OTOF: variants seen among roughly 807,000 people sequenced by gnomAD.
OTOF encodes fer-1-like family member 2.
Under a neutral mutation model 236.8 loss-of-function variants are expected in OTOF, and 218 were observed. The ratio of observed to expected loss-of-function variants is 0.92; its 90% CI spans 0.82 to 1.03. The LOEUF (loss-of-function observed/expected upper bound fraction) is 1.03. Among genes scored for constraint, OTOF ranks in the 50% least tolerant of loss-of-function variants. The pLI is 0.00. For missense variants in OTOF, 2,590 were observed against 2,694.4 expected (o/e 0.96, Z 0.86); for synonymous variants, 1,041 against 1,072.5 (o/e 0.97, Z 0.57).
In OTOF at chr2:26,482,421, T is replaced by G. The variant is rs1270423318; in HGVS notation, c.1564A>C (p.Asn522His). 6.2e-7 allele frequency: 1 copy of G among 1,613,158 alleles called. No homozygotes were observed. The highest frequency in any genetic ancestry group is 8.5e-7 in the Non-Finnish European group (1 of 1,180,002). ...CGCTGCTGACCTTTGTCTCCGTCAT[T>G]AGAAATCTTGCGCAGGTCAATGAAG... ...THFIDLRKIS[N>H]DGDKGFLPTL... is the part of the protein sequence containing the mutation. Residue 522 changes from asparagine to histidine, a missense_variant, in exon 14 of 47, where the codon AAT becomes CAT. Asn to His is a moderately conservative substitution (Grantham distance 68). Around this residue, in one of 2 missense-constraint regions of OTOF, gnomAD observed 1,379 missense variants for 1,341.6 expected, o/e 1.03. Coordinates refer to ENST00000272371, the MANE Select transcript of OTOF (RefSeq NM_194248.3).
chr2:26,464,136 A>G, intron 39 of OTOF, 30 bp from the exon 40 acceptor site: 3 of 1,612,114 alleles, frequency 1.9e-6, no homozygotes, highest in Non-Finnish European at 2.5e-6. Flanking sequence ...AGCTGCACAC[A>G]TGGCTCAGCA....
chr2:26,531,327 T>C (rs1399498693), intron 2 of OTOF, among the ~76,000 whole-genome samples: 1 of 152,234 alleles, frequency 6.6e-6, no homozygotes, highest in Admixed American at 6.5e-5. Context: ...GTCAGGAGAC[T>C]TGAGTTCTAG....
At chr2:26,526,336 T>C (rs930287422) in intron 3 of OTOF, among the ~76,000 whole-genome samples, 2 of 150,736 alleles carry the variant, frequency 1.3e-5, no homozygotes, top group African/African-American at 4.9e-5. Context: ...GATGGATAAA[T>C]GGGTGGATAA....
chr2:26,528,557 C>T (rs7583853), intron 2 of OTOF, among the ~76,000 whole-genome samples: 29,690 of 152,214 alleles, frequency 0.2, 3,550 homozygotes, highest in African/African-American at 0.34. Context: ...ACCACTTCTT[C>T]GTTGCTTCCT....
chr2:26,461,666 C>T lies in OTOF; in HGVS notation c.5533+30G>A. 1 of 1,612,678 alleles carries T rather than the reference C, an allele frequency of 6.2e-7. No homozygotes were observed. Among genetic ancestry groups the T allele is most frequent in the Non-Finnish European group, 8.5e-7 (1 of 1,179,998 alleles). ...CCCTGCCTCTTCTCAGTTCTGGATC[C>T]TGAACCCCCATCCCTGCCCTGCTCT... is the stretch of plus-strand genomic sequence containing the variant. On this transcript the variant is annotated intron_variant, in intron 43 of 46. Coordinates refer to ENST00000272371, the MANE Select transcript of OTOF (RefSeq NM_194248.3). The surrounding 1 kb of genome is among the most constrained non-coding windows in gnomAD (Gnocchi z 6.2).
At chr2:26,490,268 T>A (rs1167592033) in intron 9 of OTOF, among the ~76,000 whole-genome samples, 1 of 152,242 alleles carries the variant, frequency 6.6e-6, no homozygotes, top group Non-Finnish European at 1.5e-5. Context: ...ATAAGCCACA[T>A]GGACATTGCC....
At chr2:26,557,681 C>T (rs1262789671) in intron 1 of OTOF, among the ~76,000 whole-genome samples, 1 of 151,998 alleles carries the variant, frequency 6.6e-6, no homozygotes, top group East Asian at 2.0e-4. Flanking sequence ...GCTGGTCCTT[C>T]GGGTATTAGC....
At chr2:26,524,573 GA>G (rs1666756552) in intron 3 of OTOF, among the ~76,000 whole-genome samples, 1 of 152,178 alleles carries the variant, frequency 6.6e-6, no homozygotes, top group African/African-American at 2.4e-5. Flanking sequence ...CACTGCATGG[GA>G]GTCAATTTCC....
At chr2:26,539,564 C>T (rs959211838) in intron 1 of OTOF, among the ~76,000 whole-genome samples, 10 of 152,144 alleles carry the variant, frequency 6.6e-5, no homozygotes, top group African/African-American at 1.7e-4. Context: ...GGAGAAACCC[C>T]GTCTCTACTA....
chr2:26,482,779 G>A (rs540018260), intron 13 of OTOF, among the ~76,000 whole-genome samples, 187 bp from the exon 14 acceptor site: 87 of 151,308 alleles, frequency 5.7e-4, no homozygotes, highest in African/African-American at 2.0e-3. Flanking sequence ...GTGGGTGCGC[G>A]TGCGTGTGTG....
In OTOF at chr2:26,480,985, G is replaced by A; in HGVS notation, c.1604C>T (p.Ala535Val). 1 of 1,612,912 alleles carries A rather than the reference G, an allele frequency of 6.2e-7. No individual in the cohort carries two copies. The highest frequency in any genetic ancestry group is 8.5e-7 in the Non-Finnish European group (1 of 1,179,942). Residue 535 changes from alanine (A) to valine (V), a missense_variant, in exon 15 of 47, where the codon GCC becomes GTC. This residue lies in a region of OTOF where 1,379 missense variants were observed against 1,341.6 expected (regional missense o/e 1.03). Coordinates refer to ENST00000272371, the MANE Select transcript of OTOF (RefSeq NM_194248.3). Reference protein sequence around the residue: ...DKGFLPTLGPAWVNMYGSTRN... With the variant: ...DKGFLPTLGPVWVNMYGSTRN... ...TGTGGAGCCGTACATGTTCACCCAG[G>A]CTGGGCCCAGTGTGGGCAGGAAGCC...
At chr2:26,499,798 T>A (rs972229310) in intron 8 of OTOF, among the ~76,000 whole-genome samples, 4 of 152,232 alleles carry the variant, frequency 2.6e-5, no homozygotes, top group Non-Finnish European at 1.5e-5. Flanking sequence ...CCCGGCCTGC[T>A]TTTATTGCAT....
At chr2:26,487,806 T>A (rs1353599913) in intron 11 of OTOF, among the ~76,000 whole-genome samples, 1 of 152,218 alleles carries the variant, frequency 6.6e-6, no homozygotes, top group Admixed American at 6.5e-5. Context: ...GCATGCTTCC[T>A]GGAAAGCAAC....
chr2:26,527,799 G>A (rs375821675), intron 3 of OTOF, 33 bp downstream of exon 3: 6 of 1,515,500 alleles, frequency 4.0e-6, no homozygotes, highest in Admixed American at 1.7e-5. Flanking sequence ...AGCCCGTCCA[G>A]GCCCAGCCCC....
intron 8 of OTOF, among the ~76,000 whole-genome samples, chr2:26,499,239 A>C (rs1666060636): frequency 6.6e-6 from 1 of 152,124 alleles, no homozygotes; most frequent in Non-Finnish European, 1.5e-5. Flanking sequence ...AATAATCAGG[A>C]AAGAGTTTAC....
chr2:26,466,913 G>T, intron 35 of OTOF, 62 bp from the exon 36 acceptor site: 1 of 1,608,040 alleles, frequency 6.2e-7, no homozygotes, highest in Non-Finnish European at 8.5e-7. Context: ...ATTCAAAATA[G>T]CTAACAGCAC....
At chr2:26,458,322 C>T (rs993590229) in intron 46 of OTOF, 102 bp from the exon 47 acceptor site, 43 of 1,201,652 alleles carry the variant, frequency 3.6e-5, no homozygotes, top group Non-Finnish European at 4.9e-5. Flanking sequence ...CCTGCCATGG[C>T]CCCAGCCCCA....
intron 8 of OTOF, among the ~76,000 whole-genome samples, chr2:26,500,955 C>T (rs796200553): frequency 1.1e-4 from 17 of 152,288 alleles, no homozygotes; most frequent in African/African-American, 3.6e-4. Flanking sequence ...AGTGCAGTGG[C>T]AGCCAGGTGA....
rs576401026 is a variant in OTOF, at chr2:26,516,518, C to T, written c.409G>A (p.Glu137Lys). The change falls in exon 5 of 47, where the codon GAG becomes AAG. Residue 137 changes from glutamate (E) to lysine (K), a missense_variant. By Grantham distance (56) the Glu-to-Lys change is moderately conservative (BLOSUM62 1). Transcript: ENST00000272371. Reference sequence around the variant, plus strand: ...TCCTTCTCTTCCTCTTGAAGAGACTCATCTCCCAGGAAGTCCCCATCGTCC... The same window carrying T: ...TCCTTCTCTTCCTCTTGAAGAGACTTATCTCCCAGGAAGTCCCCATCGTCC... ...SWDDGDFLGD[E>K]SLQEEEKDSQ... 20 of 1,613,534 alleles carry T rather than the reference C, an allele frequency of 1.2e-5. No homozygotes were observed. In the East Asian group the frequency reaches 4.2e-4, roughly 34 times the overall value.
Sources: allele counts gnomAD v4.1 joint callset (sites outside exome capture counted in the v4.1 genomes callset), GRCh38; gene constraint gnomAD v4.1.1; regional missense constraint gnomAD v4.1.1; non-coding constraint Gnocchi (gnomAD v3.1); transcripts MANE v1.5; gene names NCBI Gene and HGNC (gene_info 2026-07-23, HGNC 2026-07-21).